Variants in SDK2 observed in about 807,000 individuals in gnomAD.
SDK2 encodes sidekick cell adhesion molecule 2, also known as protein sidekick-2.
In SDK2, 105 loss-of-function variants were observed where a neutral mutation model predicts 253.9. The ratio of observed to expected loss-of-function variants is 0.41; its 90% CI spans 0.35 to 0.49. SDK2 has a LOEUF of 0.49. Ranked by LOEUF, SDK2 falls within the 20% of genes least tolerant of loss-of-function variation. The pLI is 0.06. For synonymous variants in SDK2, 1,249 were observed against 1,234.9 expected (o/e 1.01, Z -0.24); for missense variants, 2,608 against 3,003.0 (o/e 0.87, Z 3.07).
intron 1 of SDK2, among the ~76,000 whole-genome samples, chr17:73,548,347 G>T (rs370768348): frequency 1.2e-3 from 180 of 152,304 alleles, no homozygotes; most frequent in African/African-American, 4.1e-3. Context: ...AGCTGGTGGT[G>T]CGACCTGTGC....
intron 1 of SDK2, among the ~76,000 whole-genome samples, chr17:73,509,221 A>G (rs1446861876): frequency 6.6e-6 from 1 of 152,186 alleles, no homozygotes; most frequent in Non-Finnish European, 1.5e-5. Context: ...TTTCTCTATC[A>G]GTGGACACAG....
rs747138943 is a variant in SDK2, at chr17:73,368,398, CT to C, written c.5167+8del. On this transcript the variant is annotated splice_region_variant and intron_variant, in intron 37 of 44. Transcript: ENST00000392650. Reference sequence around the variant, plus strand: ...CTACCCCTCCCCTCCTCAGGGCCCCCTCTCCCACCTGCTTGCTGGGTCTGGC... The same window carrying C: ...CTACCCCTCCCCTCCTCAGGGCCCCCCTCCCACCTGCTTGCTGGGTCTGGC... The C allele has an allele frequency of 9.3e-6, 14 of 1,512,420 alleles. No individual in the cohort carries two copies. The highest frequency in any genetic ancestry group is 4.1e-5 in the Admixed American group (2 of 48,240). The allele number at this position is 1,512,420 out of a possible 1,614,324, so 93.7% of individuals were successfully genotyped here.
chr17:73,487,231 G>C, intron 2 of SDK2, among the ~76,000 whole-genome samples: 1 of 152,210 alleles, frequency 6.6e-6, no homozygotes, highest in African/African-American at 2.4e-5. Context: ...ACTGTGCCCA[G>C]CCAGTACCTT....
At chr17:73,512,300 A>G (rs368701752) in intron 1 of SDK2, among the ~76,000 whole-genome samples, 2 of 152,146 alleles carry the variant, frequency 1.3e-5, no homozygotes, top group Non-Finnish European at 1.5e-5. Flanking sequence ...CTATTGATCT[A>G]TATAAAGATG....
At chr17:73,588,431 G>A (rs2045636741) in intron 1 of SDK2, among the ~76,000 whole-genome samples, 2 of 150,682 alleles carry the variant, frequency 1.3e-5, no homozygotes, top group African/African-American at 4.9e-5. Flanking sequence ...TGCAAATTCT[G>A]GGCCTTGTCT....
At chr17:73,532,720 G>T (rs532258824) in intron 1 of SDK2, among the ~76,000 whole-genome samples, 31 of 152,270 alleles carry the variant, frequency 2.0e-4, no homozygotes, top group African/African-American at 7.2e-4. Context: ...GAAACGGGGG[G>T]GCTGGAGGCT....
intron 2 of SDK2, among the ~76,000 whole-genome samples, chr17:73,500,864 A>G (rs1187157011): frequency 6.0e-5 from 7 of 116,026 alleles, no homozygotes. Context: ...ATTCTCCTCC[A>G]TCCTCCATCC....
intron 2 of SDK2, among the ~76,000 whole-genome samples, chr17:73,478,266 A>G (rs1307495810): frequency 1.3e-5 from 2 of 152,130 alleles, no homozygotes; most frequent in Non-Finnish European, 2.9e-5. Flanking sequence ...TGTATCTCAA[A>G]AATCTTTCCG....
Position 73,481,903 on chromosome 17 carries a change from T to A in SDK2, c.225-9685A>T, listed in dbSNP as rs1599606818. Among the ~76,000 whole-genome samples, 2 of 152,288 alleles carry A rather than the reference T, an allele frequency of 1.3e-5. No homozygotes were observed. Among genetic ancestry groups the A allele is most frequent in the South Asian group, 2.1e-4 (1 of 4,828 alleles). On this transcript the variant is annotated intron_variant, in intron 2 of 44. Transcript: ENST00000392650. This position sits in a 1 kb window ranked among gnomAD's most constrained non-coding sequence, Gnocchi z 4.5. Reference sequence around the variant, plus strand: ...CCATAACCACATGGGCCAAGTCCCATAACGAACCTCGTGCATCTGTCTCTC... The same window carrying A: ...CCATAACCACATGGGCCAAGTCCCAAAACGAACCTCGTGCATCTGTCTCTC...
chr17:73,429,570 C>T (rs1166720812), intron 12 of SDK2, among the ~76,000 whole-genome samples: 1 of 152,214 alleles, frequency 6.6e-6, no homozygotes, highest in African/African-American at 2.4e-5. Context: ...CAGATGGCGC[C>T]CCAGGACGCA....
chr17:73,399,397 A>G (rs770668074), intron 21 of SDK2, 108 bp from the exon 22 acceptor site: 36 of 1,208,484 alleles, frequency 3.0e-5, no homozygotes, highest in Non-Finnish European at 4.2e-5. Flanking sequence ...TTTCCTGGAA[A>G]TGTCTGAGGA....
At chr17:73,556,214 G>A (rs139893986) in intron 1 of SDK2, among the ~76,000 whole-genome samples, 1 of 152,316 alleles carries the variant, frequency 6.6e-6, no homozygotes, top group Non-Finnish European at 1.5e-5. Context: ...ATGGGAAGCG[G>A]CAGGTTCTTT....
intron 1 of SDK2, among the ~76,000 whole-genome samples, chr17:73,562,766 C>A (rs994796362): frequency 6.6e-6 from 1 of 152,216 alleles, no homozygotes; most frequent in Non-Finnish European, 1.5e-5. Flanking sequence ...GCATTCTGTG[C>A]GGAAGGCGCC....
At chr17:73,540,508 T>C (rs2044852452) in intron 1 of SDK2, among the ~76,000 whole-genome samples, 1 of 152,224 alleles carries the variant, frequency 6.6e-6, no homozygotes, top group African/African-American at 2.4e-5. Context: ...TAACAGAATA[T>C]GGGACTAGGT....
intron 1 of SDK2, among the ~76,000 whole-genome samples, chr17:73,630,558 T>G (rs1379135577): frequency 6.7e-6 from 1 of 150,238 alleles, no homozygotes; most frequent in Non-Finnish European, 1.5e-5. Flanking sequence ...CTAGGAGGCA[T>G]GGCTGTGCCT....
intron 1 of SDK2, among the ~76,000 whole-genome samples, chr17:73,527,759 G>A (rs932459270): frequency 2.5e-4 from 38 of 152,300 alleles, no homozygotes; most frequent in African/African-American, 8.9e-4. Flanking sequence ...TAAGACTCCA[G>A]GGCAGAGACG....
intron 14 of SDK2, 108 bp from the exon 15 acceptor site, chr17:73,422,542 G>C (rs971186547): frequency 1.2e-5 from 16 of 1,294,130 alleles, no homozygotes; most frequent in East Asian, 4.6e-5. Flanking sequence ...TGGCAAGAGA[G>C]AGCCTCCCCA....
chr17:73,586,856 G>A (rs2045609511), intron 1 of SDK2, among the ~76,000 whole-genome samples: 1 of 152,200 alleles, frequency 6.6e-6, no homozygotes, highest in Non-Finnish European at 1.5e-5. Context: ...GGGAATATGA[G>A]CCCCATTTTA....
intron 34 of SDK2, 91 bp downstream of exon 34, chr17:73,380,803 C>T: frequency 8.4e-7 from 1 of 1,186,944 alleles, no homozygotes; most frequent in Admixed American, 2.0e-5. Flanking sequence ...CACACCCCCT[C>T]AACCTGTGAT....
Sources: allele counts gnomAD v4.1 joint callset (sites outside exome capture counted in the v4.1 genomes callset), GRCh38; gene constraint gnomAD v4.1.1; non-coding constraint Gnocchi (gnomAD v3.1); transcripts MANE v1.5; gene names NCBI Gene and HGNC (gene_info 2026-07-23, HGNC 2026-07-21).